The following AKAP7 variants were observed in gnomAD, a reference collection of about 807,000 sequenced individuals.
AKAP7 encodes the protein A kinase (PRKA) anchor protein 7.
AKAP7 carries 39 observed loss-of-function variants against 39.5 expected under a neutral mutation model. That is an observed-to-expected ratio of 0.99 (90% CI 0.76 to 1.29). The LOEUF is 1.29. AKAP7 is among the 50% of genes most tolerant of loss of function. The pLI is 0.00. For missense variants in AKAP7, 414 were observed against 407.7 expected (o/e 1.02, Z -0.13); for synonymous variants, 140 against 139.1 (o/e 1.01, Z -0.05).
chr6:131,127,194 T>C, the AKAP7 span, among the ~76,000 whole-genome samples: 2 of 152,018 alleles, frequency 1.3e-5, no homozygotes, highest in African/African-American at 4.8e-5. Context: ...TACAGGCATA[T>C]GCTACCATGA....
In AKAP7 at chr6:131,281,206, G is replaced by A. The variant is rs1266274971; in HGVS notation, c.851-324G>A. 6.6e-6 allele frequency among the ~76,000 whole-genome samples: 1 copy of A among 152,166 alleles called. No individual in the cohort carries two copies. The highest frequency in any genetic ancestry group is 6.5e-5 in the Admixed American group (1 of 15,284). On this transcript the variant is annotated intron_variant, in intron 7 of 7. Coordinates refer to ENST00000431975, the MANE Select transcript of AKAP7 (RefSeq NM_016377.4). The surrounding 1 kb of genome is among the most constrained non-coding windows in gnomAD (Gnocchi z 4.0). ...AATTCACATGTCTGAGACTCCACGT[G>A]GTGGGGACATGGACGTTAGTAGTAG...
chr6:131,200,579 G>A (rs1430517587), intron 6 of AKAP7, among the ~76,000 whole-genome samples: 1 of 152,110 alleles, frequency 6.6e-6, no homozygotes, highest in African/African-American at 2.4e-5. Context: ...TTAAATCATG[G>A]GTTTGGGTGA....
intron 4 of AKAP7, among the ~76,000 whole-genome samples, chr6:131,166,823 C>G (rs1446401165): frequency 1.3e-5 from 2 of 152,118 alleles, no homozygotes; most frequent in Admixed American, 1.3e-4. Context: ...TTATCCTATA[C>G]TGTATGTTAG....
chr6:131,156,156 G>C (rs1366233875), intron 2 of AKAP7, among the ~76,000 whole-genome samples: 4 of 152,030 alleles, frequency 2.6e-5, no homozygotes, highest in African/African-American at 9.7e-5. Context: ...TACAGTACAG[G>C]TTGATAGCTG....
chr6:131,253,036 G>C (rs1326350901), intron 7 of AKAP7: 1 of 1,613,338 alleles, frequency 6.2e-7, no homozygotes, highest in Non-Finnish European at 8.5e-7. Flanking sequence ...TCAAAACACA[G>C]GTGAGTTGGA....
At chr6:131,176,889 C>T (rs200679886) in intron 5 of AKAP7, among the ~76,000 whole-genome samples, 5 of 152,120 alleles carry the variant, frequency 3.3e-5, no homozygotes, top group Admixed American at 6.5e-5. Flanking sequence ...TCTTCAGAAA[C>T]GTAAAAATAA....
intron 1 of AKAP7, among the ~76,000 whole-genome samples, chr6:131,143,882 G>A (rs1435186213): frequency 7.1e-6 from 1 of 140,136 alleles, no homozygotes; most frequent in Non-Finnish European, 1.5e-5. Context: ...AAAGGTCTCT[G>A]GTTTTCCTAG....
the AKAP7 span, among the ~76,000 whole-genome samples, chr6:131,129,211 C>T: frequency 6.7e-6 from 1 of 148,738 alleles, no homozygotes; most frequent in South Asian, 2.1e-4. Context: ...TGCTTGAACC[C>T]GAGAGGCGGA....
chr6:131,146,097 C>T (rs1238741328), intron 2 of AKAP7, among the ~76,000 whole-genome samples: 1 of 152,172 alleles, frequency 6.6e-6, no homozygotes, highest in African/African-American at 2.4e-5. Flanking sequence ...TTGGTATCCT[C>T]TAAGCACTTT....
At chr6:131,250,107 T>C in intron 7 of AKAP7, 1 of 931,848 alleles carries the variant, frequency 1.1e-6, no homozygotes, top group Non-Finnish European at 1.3e-6. Context: ...TCTTCCTCTT[T>C]AAGTAGCAGA....
At chr6:131,239,539 T>A (rs1273727442) in intron 7 of AKAP7, among the ~76,000 whole-genome samples, 2 of 152,354 alleles carry the variant, frequency 1.3e-5, no homozygotes, top group East Asian at 3.9e-4. Context: ...CACTTTCAGG[T>A]ACACCAATCA....
chr6:131,139,247 T>C (rs557351805), intron 1 of AKAP7, among the ~76,000 whole-genome samples: 7 of 152,362 alleles, frequency 4.6e-5, no homozygotes, highest in Non-Finnish European at 8.8e-5. Flanking sequence ...CTTTCAAGAC[T>C]TATTTGAAAG....
At chr6:131,164,784 T>C (rs1460663444) in intron 3 of AKAP7, among the ~76,000 whole-genome samples, 3 of 152,130 alleles carry the variant, frequency 2.0e-5, no homozygotes, top group African/African-American at 7.2e-5. Flanking sequence ...TGCAGGGCCA[T>C]TGAGAGGTTT....
chr6:131,226,180 A>G (rs564573020), intron 7 of AKAP7, among the ~76,000 whole-genome samples: 1 of 152,246 alleles, frequency 6.6e-6, no homozygotes, highest in East Asian at 1.9e-4. Flanking sequence ...TTACCTTTAC[A>G]CTGCCTACTT....
intron 7 of AKAP7, among the ~76,000 whole-genome samples, chr6:131,229,402 G>A (rs773779885): frequency 3.3e-5 from 5 of 152,276 alleles, no homozygotes; most frequent in Middle Eastern, 6.8e-3. Context: ...AGGCTGGAAT[G>A]CAGTGGCGTG....
At chr6:131,160,541 C>G (rs1003641912) in intron 3 of AKAP7, among the ~76,000 whole-genome samples, 4 of 152,144 alleles carry the variant, frequency 2.6e-5, no homozygotes, top group Admixed American at 2.0e-4. Flanking sequence ...GGTAATTTTG[C>G]AAAATCCACT....
At chr6:131,274,876 TC>T (rs1416324694) in intron 7 of AKAP7, among the ~76,000 whole-genome samples, 1 of 152,108 alleles carries the variant, frequency 6.6e-6, no homozygotes, top group Non-Finnish European at 1.5e-5. Context: ...CTCTCCATCA[TC>T]CCTGTCGCCA....
In AKAP7 at chr6:131,146,271, T is replaced by C. The variant is rs1181024928; in HGVS notation, c.151+855T>C. 2.0e-5 allele frequency among the ~76,000 whole-genome samples: 3 copies of C among 152,272 alleles called. No homozygotes were observed. The East Asian group carries it at 5.8e-4, about 29-fold the overall frequency. The stretch of plus-strand genomic sequence containing the variant: ...TCATTCACAAACTTTAAAGCAACAA[T>C]GCTTACTTGATTGAAATACTGCTGG... On this transcript the variant is annotated intron_variant, in intron 2 of 7. Transcript: ENST00000431975.
chr6:131,247,026 G>C (rs1158145397), intron 7 of AKAP7, among the ~76,000 whole-genome samples: 1 of 151,816 alleles, frequency 6.6e-6, no homozygotes. Flanking sequence ...CTGTAAAATG[G>C]GGATAGTAAT....
Sources: allele counts gnomAD v4.1 joint callset (sites outside exome capture counted in the v4.1 genomes callset), GRCh38; gene constraint gnomAD v4.1.1; non-coding constraint Gnocchi (gnomAD v3.1); transcripts MANE v1.5; gene names NCBI Gene and HGNC (gene_info 2026-07-23, HGNC 2026-07-21).